ARHGEF4: variants seen among roughly 807,000 people sequenced by gnomAD.
ARHGEF4 encodes Rho guanine nucleotide exchange factor 4.
In ARHGEF4, 119 loss-of-function variants were observed where a neutral mutation model predicts 162.0. That is an observed-to-expected ratio of 0.73 (90% CI 0.63 to 0.86). The LOEUF (loss-of-function observed/expected upper bound fraction) is 0.86. Ranked by LOEUF, ARHGEF4 falls within the 40% of genes least tolerant of loss-of-function variation. The probability of loss-of-function intolerance (pLI) is 0.00; values close to 1 mark genes in which losing one functional copy is unlikely to be tolerated. For synonymous variants in ARHGEF4, 1,014 were observed against 979.9 expected (o/e 1.03, Z -0.65); for missense variants, 2,488 against 2,456.0 (o/e 1.01, Z -0.28).
intron 13 of ARHGEF4, 104 bp from the exon 14 acceptor site, chr2:131,045,934 G>A (rs775166507): frequency 1.3e-4 from 199 of 1,503,434 alleles, no homozygotes; most frequent in Non-Finnish European, 1.7e-4. Context: ...CTCCTACGGC[G>A]GCTCTGAAGC....
At chr2:130,923,254 A>T (rs6725037) in intron 2 of ARHGEF4, among the ~76,000 whole-genome samples, 87,646 of 152,144 alleles carry the variant, frequency 0.58, 29,638 homozygotes, top group East Asian at 0.84. Context: ...TGATGAACAG[A>T]AATTCTCAAT....
At chr2:131,014,389 G>A (rs1688648666) in intron 4 of ARHGEF4, among the ~76,000 whole-genome samples, 1 of 152,152 alleles carries the variant, frequency 6.6e-6, no homozygotes, top group South Asian at 2.1e-4. Flanking sequence ...AAGTAATTGT[G>A]ACCACAAAGT....
chr2:130,909,713 T>G (rs1681054588), intron 1 of ARHGEF4, among the ~76,000 whole-genome samples: 1 of 152,074 alleles, frequency 6.6e-6, no homozygotes, highest in Non-Finnish European at 1.5e-5. Flanking sequence ...ACCCTTGCAT[T>G]TGGCAGTGTC....
At position 130,931,103 on chromosome 2, in the gene ARHGEF4, G is replaced by C. The variant is rs1245357425; in HGVS notation, c.3704G>C (p.Gly1235Ala). 1 of 1,614,054 alleles carries C rather than the reference G, an allele frequency of 6.2e-7. No individual in the cohort carries two copies. Among genetic ancestry groups the C allele is most frequent in the Non-Finnish European group, 8.5e-7 (1 of 1,180,036 alleles). Reference protein sequence around the residue: ...LLCISAETVRGEAPSQPRGIP... With the variant: ...LLCISAETVRAEAPSQPRGIP... ...TGCATCTCTGCAGAGACTGTGCGTG[G>C]GGAGGCTCCTTCACAGCCTAGGGGC... The change falls in exon 3 of 14, where the codon GGG becomes GCG. Residue 1235 changes from glycine to alanine, a missense_variant. Physicochemically the swap from Gly to Ala is moderately conservative, Grantham distance 60 (BLOSUM62 0). This residue lies in a region of ARHGEF4 where 1,642 missense variants were observed against 1,481.5 expected (regional missense o/e 1.11). Coordinates refer to ENST00000409359, the MANE Select transcript of ARHGEF4 (RefSeq NM_001367493.1).
intron 4 of ARHGEF4, among the ~76,000 whole-genome samples, chr2:130,999,712 T>C (rs1687647232): frequency 6.6e-6 from 1 of 152,204 alleles, no homozygotes; most frequent in South Asian, 2.1e-4. Context: ...TGTTTTGTTT[T>C]GTTTTTTGAG....
chr2:131,043,685 A>T, intron 11 of ARHGEF4, 102 bp downstream of exon 11: 1 of 1,551,192 alleles, frequency 6.4e-7, no homozygotes, highest in Non-Finnish European at 8.8e-7. Context: ...CAGCCAGACC[A>T]TACCCGGGGA....
intron 2 of ARHGEF4, among the ~76,000 whole-genome samples, chr2:130,919,871 C>T (rs1258754832): frequency 7.0e-6 from 1 of 143,470 alleles, no homozygotes; most frequent in African/African-American, 2.7e-5. Context: ...GTGAGACTCC[C>T]TCTCAAAAAA....
At chr2:131,045,718 A>G in intron 13 of ARHGEF4, 2 of 1,442,044 alleles carry the variant, frequency 1.4e-6, no homozygotes, top group Non-Finnish European at 1.8e-6. Context: ...TTCCTTCCTG[A>G]CAGGCATCTG....
chr2:130,844,887 C>T (rs916513665), intron 1 of ARHGEF4, among the ~76,000 whole-genome samples: 9 of 151,832 alleles, frequency 5.9e-5, no homozygotes, highest in East Asian at 1.9e-4. Flanking sequence ...TGTAATGGCG[C>T]GATCTCATCT....
intron 1 of ARHGEF4, among the ~76,000 whole-genome samples, chr2:130,884,177 T>A (rs557943679): frequency 1.3e-5 from 2 of 152,148 alleles, no homozygotes; most frequent in South Asian, 2.1e-4. Flanking sequence ...CCTGGAGATG[T>A]TATCAGTAAC....
intron 1 of ARHGEF4, among the ~76,000 whole-genome samples, chr2:130,868,523 C>T (rs1347316192): frequency 2.0e-5 from 3 of 151,978 alleles, no homozygotes; most frequent in African/African-American, 2.4e-5. Context: ...CGGGAGAAAG[C>T]GTGGTGTCTT....
chr2:130,837,676 C>T, intron 1 of ARHGEF4: 1 of 440,700 alleles, frequency 2.3e-6, no homozygotes, highest in Non-Finnish European at 4.5e-6. Context: ...TGGCCGGCCA[C>T]AGGTTGCCAA....
chr2:130,864,598 C>G (rs1215590634), intron 1 of ARHGEF4, among the ~76,000 whole-genome samples: 1 of 152,146 alleles, frequency 6.6e-6, no homozygotes, highest in South Asian at 2.1e-4. Flanking sequence ...GTGGTGCACC[C>G]CTGTAATCTC....
chr2:130,839,499 G>A (rs959133158), intron 1 of ARHGEF4, among the ~76,000 whole-genome samples: 5 of 152,156 alleles, frequency 3.3e-5, no homozygotes, highest in Admixed American at 1.3e-4. Context: ...TACAGACTCT[G>A]TACAGCACAC....
At chr2:131,045,736 T>C (rs1691198555) in intron 13 of ARHGEF4, 2 of 1,434,766 alleles carry the variant, frequency 1.4e-6, no homozygotes, top group Admixed American at 2.9e-5. Flanking sequence ...CTGGGGTTGG[T>C]GTAGGGATGG....
At chr2:130,881,862 C>T (rs1030336738) in intron 1 of ARHGEF4, among the ~76,000 whole-genome samples, 2 of 152,016 alleles carry the variant, frequency 1.3e-5, no homozygotes, top group South Asian at 2.1e-4. Flanking sequence ...GTACGAGAAC[C>T]ACCTTGGCCA....
In ARHGEF4 at chr2:131,046,443, C is replaced by T. The variant is rs560297757; in HGVS notation, c.*254C>T. 2.7e-5 allele frequency: 14 copies of T among 514,988 alleles called. No individual in the cohort carries two copies. The highest frequency in any genetic ancestry group is 1.7e-4 in the African/African-American group (9 of 52,028). The allele number at this position is 514,988 out of a possible 1,614,324, so 31.9% of individuals were successfully genotyped here. A position where few individuals can be genotyped will look rare whatever the true frequency, so the allele number is the denominator to read the frequency against. ...CCGCCGCTGCAGCTTGGGCCCCATC[C>T]GCCCTCTGGACCTGTGTAGGGCCTC... On this transcript the variant is annotated 3_prime_UTR_variant, in exon 14 of 14. Coordinates refer to ENST00000409359, the MANE Select transcript of ARHGEF4 (RefSeq NM_001367493.1).
At position 130,916,747 on chromosome 2, in the gene ARHGEF4, C is replaced by T; in HGVS notation, c.2801C>T (p.Ser934Phe). ...VLEKENTHER[S>F]PSSPKGEKEK... Reference sequence around the variant, plus strand: ...GAGAAAGAGAACACCCATGAACGTTCCCCAAGTTCTCCCAAGGGCGAGAAG... The same window carrying T: ...GAGAAAGAGAACACCCATGAACGTTTCCCAAGTTCTCCCAAGGGCGAGAAG... The change falls in exon 2 of 14, where the codon TCC becomes TTC. Residue 934 changes from serine (S) to phenylalanine (F), a missense_variant. Ser to Phe is a radical substitution (Grantham distance 155). Around this residue, in one of 6 missense-constraint regions of ARHGEF4, gnomAD observed 1,642 missense variants for 1,481.5 expected, o/e 1.11. Coordinates refer to ENST00000409359, the MANE Select transcript of ARHGEF4 (RefSeq NM_001367493.1). 6.4e-7 allele frequency: 1 copy of T among 1,550,646 alleles called. No individual in the cohort carries two copies. The highest frequency in any genetic ancestry group is 8.7e-7 in the Non-Finnish European group (1 of 1,147,020).
chr2:130,963,756 T>G (rs1317716029), intron 4 of ARHGEF4: 2 of 146,858 alleles, frequency 1.4e-5, no homozygotes, highest in Non-Finnish European at 3.0e-5. Context: ...GGCAGCGAGC[T>G]GACGCGCTGC....
Sources: gnomAD v4.1 joint callset for allele counts (sites outside exome capture counted in the v4.1 genomes callset) on GRCh38, gnomAD v4.1.1 for gene constraint, gnomAD v4.1.1 regional missense constraint, MANE v1.5 for transcripts, NCBI Gene and HGNC (gene_info 2026-07-23, HGNC 2026-07-21) for gene names.